The following FLYWCH2 variants were observed in gnomAD, a reference collection of about 807,000 sequenced individuals.
FLYWCH2 encodes the protein FLYWCH family member 2.
In FLYWCH2, 2 loss-of-function variants were observed where a neutral mutation model predicts 6.0. That is an observed-to-expected ratio of 0.33 (90% confidence interval 0.14 to 1.04). The LOEUF is 1.04. Among genes scored for constraint, FLYWCH2 ranks in the 50% least tolerant of loss-of-function variants. FLYWCH2 has a pLI of 0.45. For missense variants in FLYWCH2, 192 were observed against 183.4 expected (o/e 1.05, Z -0.27); for synonymous variants, 87 against 79.3 (o/e 1.10, Z -0.52).
At chr16:2,883,682 G>C (rs2069666007) in intron 1 of FLYWCH2, among the ~76,000 whole-genome samples, 1 of 152,200 alleles carries the variant, frequency 6.6e-6, no homozygotes, top group African/African-American at 2.4e-5. Flanking sequence ...CGCCGGCCTC[G>C]TCCCACGGTT....
chr16:2,887,797 G>A, intron 1 of FLYWCH2, among the ~76,000 whole-genome samples: 1 of 151,642 alleles, frequency 6.6e-6, no homozygotes, highest in Admixed American at 6.6e-5. Flanking sequence ...GAACTCCTGG[G>A]TTCAAGCGAT....
At chr16:2,886,820 C>T (rs150199643) in intron 1 of FLYWCH2, among the ~76,000 whole-genome samples, 1 of 152,006 alleles carries the variant, frequency 6.6e-6, no homozygotes, top group Non-Finnish European at 1.5e-5. Context: ...CATGCCCAGC[C>T]GCCCATTTTT....
intron 1 of FLYWCH2, among the ~76,000 whole-genome samples, chr16:2,888,519 G>C (rs1382014549): frequency 7.1e-6 from 1 of 140,328 alleles, no homozygotes; most frequent in Non-Finnish European, 1.5e-5. Context: ...CTGGAATTAA[G>C]AATCTATAGA....
chr16:2,887,720 C>T (rs1459727945), intron 1 of FLYWCH2, among the ~76,000 whole-genome samples: 1 of 151,754 alleles, frequency 6.6e-6, no homozygotes, highest in African/African-American at 2.4e-5. Context: ...ACATATGTGC[C>T]CCACCACCCT....
intron 1 of FLYWCH2, among the ~76,000 whole-genome samples, chr16:2,884,517 T>C (rs1240530100): frequency 9.0e-6 from 1 of 111,696 alleles, no homozygotes; most frequent in Non-Finnish European, 1.7e-5. Flanking sequence ...GGTCAGGAGA[T>C]AGAGACCATT....
At chr16:2,884,558 T>TAAAA (rs1317315836) in intron 1 of FLYWCH2, among the ~76,000 whole-genome samples, 6 of 39,286 alleles carry the variant, frequency 1.5e-4, no homozygotes, top group Admixed American at 3.5e-4. Context: ...CCGTCTCTAC[T>TAAAA]AAAAAAAAAA....
intron 3 of FLYWCH2, 153 bp downstream of exon 3, chr16:2,896,924 G>A (rs536433347): frequency 4.0e-6 from 3 of 758,106 alleles, no homozygotes; most frequent in African/African-American, 3.5e-5. Flanking sequence ...AGGGGTTAGG[G>A]CACAGGCCTG....
rs1555478087 is a variant in FLYWCH2, at chr16:2,899,271, T to TTC, written c.*123_*124insCT. 615 of 472,838 alleles carry TTC rather than the reference T, an allele frequency of 1.3e-3. 2 individuals carry two copies. The highest frequency in any genetic ancestry group is 1.9e-3 in the Non-Finnish European group (523 of 282,050). 29.3% of individuals were successfully genotyped at this position (472,838 alleles called of 1,614,324 possible). On this transcript the variant is annotated 3_prime_UTR_variant, in exon 4 of 4. Coordinates refer to ENST00000396958, the MANE Select transcript of FLYWCH2 (RefSeq NM_138439.3). ...TTAACATTGTGTGATTTCTTTTCTT[T>TTC]TTTTTTTTTTTTTTAGATCAAGTAT...
At chr16:2,895,749 T>G (rs994261366) in intron 2 of FLYWCH2, among the ~76,000 whole-genome samples, 3 of 152,278 alleles carry the variant, frequency 2.0e-5, no homozygotes, top group African/African-American at 7.2e-5. Flanking sequence ...GGCAGGTGCC[T>G]GGCCCATGCT....
chr16:2,890,786 T>G (rs968827482), intron 1 of FLYWCH2, among the ~76,000 whole-genome samples: 4 of 152,072 alleles, frequency 2.6e-5, no homozygotes, highest in Admixed American at 2.6e-4. Flanking sequence ...AGGCTGATCT[T>G]GACCTCTTGA....
In FLYWCH2 at chr16:2,896,875, T is replaced by A. The variant is rs759804065; in HGVS notation, c.322+104T>A. 86 of 1,136,028 alleles carry A rather than the reference T, an allele frequency of 7.6e-5. No individual in the cohort carries two copies. The African/African-American group carries it at 1.2e-3, about 15-fold the overall frequency. 70.4% of individuals were successfully genotyped at this position (1,136,028 alleles called of 1,614,324 possible). A position where few individuals can be genotyped will look rare whatever the true frequency, so the allele number is the denominator to read the frequency against. ...CGCTTCTCCCTGGCATGCGGGTCCT[T>A]GTTCCCTGACTTTGACCACGTGTGG... On this transcript the variant is annotated intron_variant, in intron 3 of 3. Transcript: ENST00000396958.
rs1351164807 is a variant in FLYWCH2 at position 2,884,568 on chromosome 16, A to AAAAAAAAAAC, written c.-200+1211_-200+1212insCAAAAAAAAA. On this transcript the variant is annotated intron_variant, in intron 1 of 3. Coordinates refer to ENST00000396958, the MANE Select transcript of FLYWCH2 (RefSeq NM_138439.3). ...AAACCCCGTCTCTACTAAAAAAAAA[A>AAAAAAAAAAC]AAAAAAAAATACAAAAATTAGTCGG... Among the ~76,000 whole-genome samples, 7 of 145,388 alleles carry AAAAAAAAAAC rather than the reference A, an allele frequency of 4.8e-5. 1 individual carries two copies. Among genetic ancestry groups the AAAAAAAAAAC allele is most frequent in the Non-Finnish European group, 9.1e-5 (6 of 66,086 alleles).
chr16:2,888,714 T>C (rs2069725034), intron 1 of FLYWCH2, among the ~76,000 whole-genome samples: 1 of 152,104 alleles, frequency 6.6e-6, no homozygotes, highest in African/African-American at 2.4e-5. Flanking sequence ...CTAAGCCTCT[T>C]ATCCTGGAGG....
rs931580853 is a variant in FLYWCH2 at position 2,886,553 on chromosome 16, C to G, written c.-200+3187C>G. ...TTTTTTTTTTTTGAGGCGGATTTTG[C>G]TCTTGTTGTCCCGGCTGGAGTGCAC... is the stretch of plus-strand genomic sequence containing the variant. On this transcript the variant is annotated intron_variant, in intron 1 of 3. Transcript: ENST00000396958. Among the ~76,000 whole-genome samples the G allele has an allele frequency of 4.1e-5, 4 of 97,350 alleles. No individual in the cohort carries two copies. In the East Asian group the frequency reaches 1.3e-3, roughly 31 times the overall value. The allele number at this position is 97,350 out of a possible 152,430, so 63.9% of individuals were successfully genotyped here.
chr16:2,896,093 T>A (rs1348145130), intron 2 of FLYWCH2, among the ~76,000 whole-genome samples: 1 of 152,236 alleles, frequency 6.6e-6, no homozygotes, highest in African/African-American at 2.4e-5. Flanking sequence ...AGTCCATTAG[T>A]CATTCTGATG....
chr16:2,884,183 C>G (rs1292728859), intron 1 of FLYWCH2, among the ~76,000 whole-genome samples: 2 of 152,112 alleles, frequency 1.3e-5, no homozygotes, highest in African/African-American at 2.4e-5. Context: ...ATTAACAGCC[C>G]CTGATAAATT....
intron 1 of FLYWCH2, among the ~76,000 whole-genome samples, chr16:2,886,113 A>G (rs1368014923): frequency 6.6e-6 from 1 of 152,024 alleles, no homozygotes; most frequent in Non-Finnish European, 1.5e-5. Context: ...CTTCTCATAT[A>G]TTAGCCATTT....
At chr16:2,898,455 G>A (rs960226403) in intron 3 of FLYWCH2, among the ~76,000 whole-genome samples, 7 of 152,210 alleles carry the variant, frequency 4.6e-5, no homozygotes, top group African/African-American at 1.4e-4. Flanking sequence ...TCAGAGGAGC[G>A]AAGTCGCCAC....
intron 2 of FLYWCH2, 103 bp from the exon 3 acceptor site, chr16:2,896,249 G>A: frequency 1.6e-6 from 1 of 631,058 alleles, no homozygotes; most frequent in Non-Finnish European, 2.6e-6. Context: ...CTTGGCCCCA[G>A]CGAGCAGTGA....
Sources: gnomAD v4.1 joint callset for allele counts (sites outside exome capture counted in the v4.1 genomes callset) on GRCh38, gnomAD v4.1.1 for gene constraint, MANE v1.5 for transcripts, NCBI Gene and HGNC (gene_info 2026-07-23, HGNC 2026-07-21) for gene names.